Variants in DMD observed in about 807,000 individuals in gnomAD.
DMD encodes mutant dystrophin.
In DMD, 63 loss-of-function variants were observed where a neutral mutation model predicts 330.1. That is an observed-to-expected ratio of 0.19 (90% CI 0.16 to 0.24). DMD has a LOEUF of 0.24. Among genes scored for constraint, DMD ranks in the 10% least tolerant of loss-of-function variants. The pLI is 1.00. For missense variants in DMD, 3,344 were observed against 2,684.1 expected (o/e 1.25, Z -5.43); for synonymous variants, 1,223 against 959.8 (o/e 1.27, Z -5.07).
chrX:32,396,753 T>C (rs1467234375), intron 30 of DMD, among the ~76,000 whole-genome samples: 1 of 111,669 alleles, frequency 9.0e-6, no homozygotes, highest in South Asian at 3.7e-4. Flanking sequence ...GATTCTACTA[T>C]GGGTAAGCTG....
intron 63 of DMD, among the ~76,000 whole-genome samples, chrX:31,228,332 A>C (rs978045735): frequency 1.2e-4 from 13 of 110,211 alleles, no homozygotes; most frequent in African/African-American, 3.6e-4. Flanking sequence ...TCACAATGCT[A>C]CGGAAGCCAT....
At chrX:31,140,684 T>C (rs2035931644) in intron 76 of DMD, among the ~76,000 whole-genome samples, 1 of 112,459 alleles carries the variant, frequency 8.9e-6, no homozygotes, top group Non-Finnish European at 1.9e-5. Context: ...CTGAAACTAG[T>C]AGCTAAATTT....
chrX:32,144,026 A>G (rs890890184), intron 44 of DMD, among the ~76,000 whole-genome samples: 1 of 111,824 alleles, frequency 8.9e-6, no homozygotes, highest in Non-Finnish European at 1.9e-5. Flanking sequence ...CACAAACTGT[A>G]GGCAAATAAT....
chrX:31,473,550 T>C (rs2067481052), intron 59 of DMD, among the ~76,000 whole-genome samples: 1 of 104,772 alleles, frequency 9.5e-6, no homozygotes, highest in Admixed American at 1.0e-4. Context: ...TGAAACCCCG[T>C]CTCTACTAAA....
intron 62 of DMD, among the ~76,000 whole-genome samples, chrX:31,307,450 A>T (rs1016150114): frequency 3.6e-5 from 4 of 111,830 alleles, no homozygotes; most frequent in African/African-American, 9.7e-5. Context: ...CAATATAATG[A>T]TGCCTTTTGC....
chrX:32,146,910 A>G (rs922731383), intron 44 of DMD, among the ~76,000 whole-genome samples: 2 of 112,504 alleles, frequency 1.8e-5, no homozygotes, highest in Admixed American at 9.4e-5. Context: ...AACAATGACC[A>G]CAAAACCAGA....
chrX:32,761,652 C>A (rs2072311967), intron 7 of DMD, among the ~76,000 whole-genome samples: 1 of 111,341 alleles, frequency 9.0e-6, no homozygotes, highest in Non-Finnish European at 1.9e-5. Context: ...CAGTAATGTG[C>A]CCGCTTTGAG....
intron 1 of DMD, among the ~76,000 whole-genome samples, chrX:33,311,747 T>C (rs888983938): frequency 7.2e-4 from 79 of 109,968 alleles, no homozygotes; most frequent in African/African-American, 2.2e-3. Flanking sequence ...GTTTAGGATA[T>C]AGACATATAA....
In DMD at chrX:32,823,278, T is replaced by A. The variant is rs756638850; in HGVS notation, c.357+17A>T. 2.6e-6 allele frequency: 3 copies of A among 1,158,265 alleles called. No homozygotes were observed. In the African/African-American group the frequency reaches 5.3e-5, roughly 21 times the overall value. ...ATTAATGTTACCCAAAAGGAAACCA[T>A]TCATCAGGATTCTTACCTGCCAGTG... On this transcript the variant is annotated intron_variant, in intron 5 of 78. Coordinates refer to ENST00000357033, the MANE Select transcript of DMD (RefSeq NM_004006.3).
intron 17 of DMD, among the ~76,000 whole-genome samples, chrX:32,537,951 G>T (rs2048143647): frequency 8.9e-6 from 1 of 112,339 alleles, no homozygotes; most frequent in South Asian, 3.7e-4. Context: ...TCTCAATATA[G>T]TGCATTTCTA....
intron 15 of DMD, among the ~76,000 whole-genome samples, chrX:32,566,492 C>T (rs1335382546): frequency 8.9e-6 from 1 of 112,372 alleles, no homozygotes; most frequent in Non-Finnish European, 1.9e-5. Flanking sequence ...AATCAATTAA[C>T]ATCTGGTTAT....
At chrX:32,362,465 C>T (rs978961304) in intron 37 of DMD, among the ~76,000 whole-genome samples, 1 of 111,261 alleles carries the variant, frequency 9.0e-6, no homozygotes, top group Admixed American at 9.6e-5. Flanking sequence ...TGGCCTTCAG[C>T]ATGCTATTTG....
intron 24 of DMD, among the ~76,000 whole-genome samples, chrX:32,464,069 TAATG>T (rs763719295): frequency 3.6e-5 from 4 of 111,856 alleles, no homozygotes; most frequent in Non-Finnish European, 7.5e-5. Flanking sequence ...GACAATGGTA[TAATG>T]AATATTATTT....
intron 51 of DMD, among the ~76,000 whole-genome samples, chrX:31,753,536 T>C (rs779001841): frequency 1.3e-3 from 143 of 111,970 alleles, no homozygotes; most frequent in African/African-American, 4.6e-3. Flanking sequence ...TATCTAGATT[T>C]TTTAAATCTC....
intron 7 of DMD, among the ~76,000 whole-genome samples, chrX:32,712,550 G>T (rs116251318): frequency 0.017 from 1,890 of 111,338 alleles, 45 homozygotes; most frequent in African/African-American, 0.058. Context: ...ATAATAAGAA[G>T]ATATTTGTAC....
intron 74 of DMD, among the ~76,000 whole-genome samples, chrX:31,159,644 G>A (rs931616309): frequency 5.4e-5 from 6 of 110,649 alleles, no homozygotes; most frequent in Admixed American, 1.9e-4. Context: ...TTCCATCTCC[G>A]CCACAACCAT....
intron 27 of DMD, among the ~76,000 whole-genome samples, chrX:32,445,532 G>A (rs1220931440): frequency 9.0e-6 from 1 of 110,519 alleles, no homozygotes; most frequent in Admixed American, 9.6e-5. Flanking sequence ...ATTAAGTTAT[G>A]ATATTTAAAT....
chrX:33,236,137 C>T (rs1363343804), intron 1 of DMD, among the ~76,000 whole-genome samples: 16 of 107,138 alleles, frequency 1.5e-4, no homozygotes, highest in African/African-American at 5.4e-4. Context: ...AGGATGGTCT[C>T]GATCTCATGA....
At chrX:32,132,374 A>G (rs2096700204) in intron 44 of DMD, among the ~76,000 whole-genome samples, 1 of 111,658 alleles carries the variant, frequency 9.0e-6, no homozygotes, top group Non-Finnish European at 1.9e-5. Flanking sequence ...ATTTAAATCC[A>G]CAACATCCTA....
Sources: allele counts gnomAD v4.1 joint callset (sites outside exome capture counted in the v4.1 genomes callset), GRCh38; gene constraint gnomAD v4.1.1; transcripts MANE v1.5; gene names NCBI Gene and HGNC (gene_info 2026-07-23, HGNC 2026-07-21).